The following APOB variants were observed in gnomAD, a reference collection of about 807,000 sequenced individuals.
APOB encodes the protein apolipoprotein B.
APOB carries 153 observed loss-of-function variants against 314.1 expected under a neutral mutation model. That is an observed-to-expected ratio of 0.49 (90% CI 0.43 to 0.56). The LOEUF is 0.56. APOB is among the 20% of genes least tolerant of loss of function. The probability of loss-of-function intolerance (pLI) is 0.00; values close to 1 mark genes in which losing one functional copy is unlikely to be tolerated. For synonymous variants in APOB, 2,087 were observed against 2,036.4 expected (o/e 1.02, Z -0.67); for missense variants, 5,430 against 5,350.7 (o/e 1.01, Z -0.46).
Position 21,003,160 on chromosome 2 carries a change from A to T in APOB, c.12262T>A (p.Tyr4088Asn). 1 of 1,613,946 alleles carries T rather than the reference A, an allele frequency of 6.2e-7. No homozygotes were observed. Among genetic ancestry groups the T allele is most frequent in the East Asian group, 2.2e-5 (1 of 44,868 alleles). ...TGVLYDYVNK[Y>N]HWEHTGLTLR... is the part of the protein sequence containing the mutation. The stretch of plus-strand genomic sequence containing the variant: ...GTGAGCCCTGTGTGTTCCCAGTGGT[A>T]CTTGTTGACATAATCATAAAGGACC... The change falls in exon 29 of 29, where the codon TAC becomes AAC. Residue 4088 changes from tyrosine (Y) to asparagine (N), a missense_variant. Tyr to Asn is a moderately radical substitution (Grantham distance 143). Around this residue, in one of 3 missense-constraint regions of APOB, gnomAD observed 3,281 missense variants for 3,171.0 expected, o/e 1.03. Coordinates refer to ENST00000233242, the MANE Select transcript of APOB (RefSeq NM_000384.3).
Position 21,019,898 on chromosome 2 carries a change from A to G in APOB, c.2824T>C (p.Leu942=). The change falls in exon 19 of 29, where the codon TTA becomes CTA. Residue 942 remains leucine (L), a synonymous_variant. Coordinates refer to ENST00000233242, the MANE Select transcript of APOB (RefSeq NM_000384.3). ...PVKLLSGGNT[L]HLVSTTKTEV... ...GTTTTGGTGGTAGAGACCAAATGTA[A>G]TGTGTTGCTGGTGAAGAACAAAAAT... 6.2e-7 allele frequency: 1 copy of G among 1,614,176 alleles called. No individual in the cohort carries two copies.
chr2:21,023,335 A>G (rs12720778), intron 17 of APOB, among the ~76,000 whole-genome samples, 190 bp downstream of exon 17: 4,781 of 152,306 alleles, frequency 0.031, 242 homozygotes, highest in African/African-American at 0.11. Flanking sequence ...TGGCCATACC[A>G]CTACTGGAGC....
In APOB at chr2:21,003,131, C is replaced by T; in HGVS notation, c.12291G>A (p.Leu4097=). The change falls in exon 29 of 29, where the codon CTG becomes CTA. Residue 4097 remains leucine, a synonymous_variant. Coordinates refer to ENST00000233242, the MANE Select transcript of APOB (RefSeq NM_000384.3). The part of the protein sequence containing the change: ...KYHWEHTGLT[L]REVSSKLRRN... ...TTCTCAGCTTTGAAGACACTTCTCT[C>T]AGGGTGAGCCCTGTGTGTTCCCAGT... The T allele has an allele frequency of 6.2e-7, 1 of 1,608,260 alleles. No homozygotes were observed. The highest frequency in any genetic ancestry group is 8.5e-7 in the Non-Finnish European group (1 of 1,176,344).
At chr2:21,032,046 C>T (rs1001268315) in intron 10 of APOB, among the ~76,000 whole-genome samples, 2 of 152,160 alleles carry the variant, frequency 1.3e-5, no homozygotes, top group Non-Finnish European at 2.9e-5. Context: ...TGTGATAAAG[C>T]AAATATAATA....
chr2:21,011,338 A>G lies in APOB; in HGVS notation c.5530T>C (p.Ser1844Pro), dbSNP rs1277954902. Residue 1844 changes from serine (S) to proline (P), a missense_variant, in exon 26 of 29, where the codon TCT (serine) becomes CCT (proline). By Grantham distance (74) the Ser-to-Pro change is moderately conservative. Transcript: ENST00000233242. ...NEIKHIYAIS[S>P]AALSASYKAD... Reference sequence around the variant, plus strand: ...TTATAGCTTGCTGATAAGGCAGCAGAAGAGATGGCATAGATGTGTTTTATT... The same window carrying G: ...TTATAGCTTGCTGATAAGGCAGCAGGAGAGATGGCATAGATGTGTTTTATT... The G allele has an allele frequency of 6.2e-7, 1 of 1,614,096 alleles. No homozygotes were observed. The highest frequency in any genetic ancestry group is 8.5e-7 in the Non-Finnish European group (1 of 1,180,034).
Position 21,028,398 on chromosome 2 carries a change from A to T in APOB, c.1758T>A (p.Asn586Lys). ...AAGCCACAAAGTTCTTCACTTGCTC[A>T]TTCTGTTCCCATGGTAGAATTTGGA... ...KIVQILPWEQ[N>K]EQVKNFVASH... The change falls in exon 13 of 29, where the codon AAT (asparagine) becomes AAA (lysine). Residue 586 changes from asparagine to lysine, a missense_variant. Asn to Lys is a moderately conservative substitution (Grantham distance 94, BLOSUM62 0). Transcript: ENST00000233242. 6.2e-7 allele frequency: 1 copy of T among 1,614,216 alleles called. No individual in the cohort carries two copies. The highest frequency in any genetic ancestry group is 8.5e-7 in the Non-Finnish European group (1 of 1,180,030).
At position 21,015,124 on chromosome 2, in the gene APOB, T is replaced by A; in HGVS notation, c.3645A>T (p.Arg1215Ser). 2.5e-6 allele frequency: 4 copies of A among 1,614,236 alleles called. No individual in the cohort carries two copies. The highest frequency in any genetic ancestry group is 3.4e-6 in the Non-Finnish European group (4 of 1,180,036). ...GGAAAGTCATGTCTGTTTGAGGGAC[T>A]CTGTGATCCAGGAGTCTATTAGCAT... The part of the protein sequence containing the change: ...HMYANRLLDH[R>S]VPQTDMTFRH... The change falls in exon 23 of 29, where the codon AGA (arginine) becomes AGT (serine). Residue 1215 changes from arginine (R) to serine (S), a missense_variant. Transcript: ENST00000233242.
At position 21,009,744 on chromosome 2, in the gene APOB, T is replaced by C. The variant is rs1362585361; in HGVS notation, c.7124A>G (p.Gln2375Arg). ...AHQYKLKETI[Q>R]KLSNVLQQVK... ...TTGTTGTAGGACATTGCTTAGCTTCTGAATAGTCTCCTTCAACTTGTATTG... is the reference window on the plus strand; with the variant it reads ...TTGTTGTAGGACATTGCTTAGCTTCCGAATAGTCTCCTTCAACTTGTATTG... Residue 2375 changes from glutamine to arginine, a missense_variant, in exon 26 of 29, where the codon CAG becomes CGG. Physicochemically the swap from Gln to Arg is conservative, Grantham distance 43. Around this residue, in one of 3 missense-constraint regions of APOB, gnomAD observed 3,281 missense variants for 3,171.0 expected, o/e 1.03. Transcript: ENST00000233242. 6.2e-7 allele frequency: 1 copy of C among 1,614,022 alleles called. No homozygotes were observed. Among genetic ancestry groups the C allele is most frequent in the Non-Finnish European group, 8.5e-7 (1 of 1,179,962 alleles).
chr2:21,021,786 A>G (rs1015961178), intron 18 of APOB, among the ~76,000 whole-genome samples: 1 of 152,226 alleles, frequency 6.6e-6, no homozygotes, highest in African/African-American at 2.4e-5. Context: ...AGCACAGGCT[A>G]CATGATATAA....
chr2:21,043,523 C>T lies in APOB; in HGVS notation c.111G>A (p.Leu37=). The T allele has an allele frequency of 6.2e-7, 1 of 1,605,144 alleles. No individual in the cohort carries two copies. The highest frequency in any genetic ancestry group is 8.5e-7 in the Non-Finnish European group (1 of 1,175,948). ...GCGCAGATGCCTTACTTGGACAGAC[C>T]AGGCTGACATTTTCCAGCATTTCCT... ...AEEEMLENVS[L]VCPKDATRFK... is the part of the protein sequence containing the mutation. The change falls in exon 2 of 29, where the codon CTG becomes CTA. Residue 37 remains leucine (L), a synonymous_variant. Coordinates refer to ENST00000233242, the MANE Select transcript of APOB (RefSeq NM_000384.3).
Position 21,028,542 on chromosome 2 carries a change from C to A in APOB, c.1618-4G>T, listed in dbSNP as rs187405118. 2 of 1,605,060 alleles carry A rather than the reference C, an allele frequency of 1.2e-6. No homozygotes were observed. Among genetic ancestry groups the A allele is most frequent in the African/African-American group, 1.3e-5 (1 of 74,964 alleles). On this transcript the variant is annotated splice_region_variant and splice_polypyrimidine_tract_variant and intron_variant, in intron 12 of 28. Coordinates refer to ENST00000233242, the MANE Select transcript of APOB (RefSeq NM_000384.3). ...TCTGAAGAAGAACCTCCTGGTCCTGCAGTCAAAAGAGGAGATGGTTATCAC... is the reference window on the plus strand; with the variant it reads ...TCTGAAGAAGAACCTCCTGGTCCTGAAGTCAAAAGAGGAGATGGTTATCAC...
intron 10 of APOB, among the ~76,000 whole-genome samples, chr2:21,031,518 A>T (rs1351734395): frequency 6.6e-6 from 1 of 152,232 alleles, no homozygotes; most frequent in African/African-American, 2.4e-5. Context: ...TGTCTGGGTG[A>T]TGGATACCCT....
At position 21,007,919 on chromosome 2, in the gene APOB, A is replaced by G; in HGVS notation, c.8949T>C (p.Phe2983=). 4 of 1,614,090 alleles carry G rather than the reference A, an allele frequency of 2.5e-6. No homozygotes were observed. Among genetic ancestry groups the G allele is most frequent in the Non-Finnish European group, 3.4e-6 (4 of 1,179,978 alleles). Residue 2983 remains phenylalanine (F), a synonymous_variant, in exon 26 of 29, where the codon TTT becomes TTC. Coordinates refer to ENST00000233242, the MANE Select transcript of APOB (RefSeq NM_000384.3). ...NLVYESGSLN[F]SKLEIQSQVD... ...CTTGTGATTGAATTTCAAGTTTAGAAAAGTTGAGGGAGCCAGATTCATAAA... is the reference window on the plus strand; with the variant it reads ...CTTGTGATTGAATTTCAAGTTTAGAGAAGTTGAGGGAGCCAGATTCATAAA...
Position 21,008,724 on chromosome 2 carries a change from T to C in APOB, c.8144A>G (p.Glu2715Gly). The change falls in exon 26 of 29, where the codon GAA becomes GGA. Residue 2715 changes from glutamate (E) to glycine (G), a missense_variant. Physicochemically the swap from Glu to Gly is moderately conservative, Grantham distance 98. This residue lies in a region of APOB where 3,281 missense variants were observed against 3,171.0 expected (regional missense o/e 1.03). Transcript: ENST00000233242. ...GATTATGAATTCTGGAATTGCGATT[T>C]CTGGTAAACGGAAGTCTGGCAGGGT... ...RITLPDFRLP[E>G]IAIPEFIIPT... is the part of the protein sequence containing the mutation. The C allele has an allele frequency of 6.2e-7, 1 of 1,614,092 alleles. No individual in the cohort carries two copies. Among genetic ancestry groups the C allele is most frequent in the Non-Finnish European group, 8.5e-7 (1 of 1,179,982 alleles).
rs542666471 is a variant in APOB at position 21,019,089 on chromosome 2, T to C, written c.3024A>G (p.Thr1008=). ...DTRLELELRP[T]GEIEQYSVSA... ...TGACAGAATACTGCTCAATCTCTCC[T>C]GTAGGCCTCAGTTCCAGCTCTAATC... is the stretch of plus-strand genomic sequence containing the variant. The change falls in exon 20 of 29, where the codon ACA becomes ACG. Residue 1008 remains threonine (T), a synonymous_variant. Coordinates refer to ENST00000233242, the MANE Select transcript of APOB (RefSeq NM_000384.3). 8.7e-6 allele frequency: 14 copies of C among 1,614,060 alleles called. No individual in the cohort carries two copies. The South Asian group carries it at 1.5e-4, about 18-fold the overall frequency.
In APOB at chr2:21,007,011, A is replaced by G; in HGVS notation, c.9857T>C (p.Leu3286Pro). 2 of 1,614,050 alleles carry G rather than the reference A, an allele frequency of 1.2e-6. No individual in the cohort carries two copies. Among genetic ancestry groups the G allele is most frequent in the South Asian group, 2.2e-5 (2 of 91,090 alleles). The stretch of plus-strand genomic sequence containing the variant: ...TGAAGGCACACGGACGTCAGAACCT[A>G]GGATGGAGAAACTAGGCATGCTGAC... ...KAVSMPSFSI[L>P]GSDVRVPSYT... The change falls in exon 26 of 29, where the codon CTA becomes CCA. Residue 3286 changes from leucine to proline, a missense_variant. By Grantham distance (98) the Leu-to-Pro change is moderately conservative. Coordinates refer to ENST00000233242, the MANE Select transcript of APOB (RefSeq NM_000384.3).
Position 21,016,425 on chromosome 2 carries a change from T to G in APOB, c.3332+14A>C. ...GCCTGCAGTGCAGGTCAGATGACCC[T>G]CGGCCTTCTTTACCTTAGGTGGCCC... On this transcript the variant is annotated intron_variant, in intron 21 of 28. Coordinates refer to ENST00000233242, the MANE Select transcript of APOB (RefSeq NM_000384.3). 1 of 1,468,786 alleles carries G rather than the reference T, an allele frequency of 6.8e-7. No homozygotes were observed. The highest frequency in any genetic ancestry group is 9.5e-7 in the Non-Finnish European group (1 of 1,048,030). 91.0% of individuals were successfully genotyped at this position (1,468,786 alleles called of 1,614,324 possible).
intron 20 of APOB, among the ~76,000 whole-genome samples, chr2:21,017,014 T>G (rs13003321): frequency 7.5e-6 from 1 of 132,784 alleles, no homozygotes; most frequent in African/African-American, 2.8e-5. Flanking sequence ...AATAAATAAA[T>G]AAACAAACAA....
At chr2:21,033,110 G>A (rs746042444) in intron 9 of APOB, among the ~76,000 whole-genome samples, 189 bp downstream of exon 9, 17 of 152,162 alleles carry the variant, frequency 1.1e-4, no homozygotes, top group Non-Finnish European at 2.1e-4. Context: ...CACAGTATGC[G>A]CGTGTGTGTT....
Sources: gnomAD v4.1 joint callset for allele counts (sites outside exome capture counted in the v4.1 genomes callset) on GRCh38, gnomAD v4.1.1 for gene constraint, gnomAD v4.1.1 regional missense constraint, MANE v1.5 for transcripts, NCBI Gene and HGNC (gene_info 2026-07-23, HGNC 2026-07-21) for gene names.